The following SYT1 variants were observed in gnomAD, a reference collection of about 807,000 sequenced individuals.
SYT1 encodes synaptotagmin 1, also known as synaptotagmin-1.
SYT1 carries 8 observed loss-of-function variants against 44.8 expected under a neutral mutation model. That is an observed-to-expected ratio of 0.18 (90% confidence interval 0.10 to 0.32). The LOEUF is 0.32. Among genes scored for constraint, SYT1 ranks in the 10% least tolerant of loss-of-function variants. The pLI is 1.00. For synonymous variants in SYT1, 154 were observed against 188.8 expected, an observed-to-expected ratio of 0.82 and a Z score of 1.51; for missense variants, 286 against 509.3, an observed-to-expected ratio of 0.56 and a Z score of 4.22.
chr12:79,134,985 C>CCATACACACACA lies in SYT1; in HGVS notation c.-17-82516_-17-82515insTACACACACACA, dbSNP rs370134370. ...AGAAAGTAGATCTTAAATGTTCTCACCACACACACACACACACACACACAA... is the reference window on the plus strand; with the variant it reads ...AGAAAGTAGATCTTAAATGTTCTCACCATACACACACACACACACACACACACACACACACAA... On this transcript the variant is annotated intron_variant, in intron 3 of 10. Coordinates refer to ENST00000261205, the MANE Select transcript of SYT1 (RefSeq NM_005639.3). 3.3e-3 allele frequency among the ~76,000 whole-genome samples: 481 copies of CCATACACACACA among 147,968 alleles called. 2 individuals carry two copies. The highest frequency in any genetic ancestry group is 0.011 in the African/African-American group (450 of 40,488).
intron 10 of SYT1, among the ~76,000 whole-genome samples, chr12:79,446,016 T>C (rs1189617951): frequency 1.6e-5 from 2 of 127,072 alleles, no homozygotes; most frequent in Middle Eastern, 3.8e-3. Flanking sequence ...TATATATATA[T>C]ATATATATAT....
At position 79,449,273 on chromosome 12, in the gene SYT1, A is replaced by C. The variant is rs756133500; in HGVS notation, c.*149A>C. ...CTTGGAATCCTGTTTTAATTTGCAC[A>C]AATTTAAATGTAGAGAGCCCCTAAG... On this transcript the variant is annotated 3_prime_UTR_variant, in exon 11 of 11. Coordinates refer to ENST00000261205, the MANE Select transcript of SYT1 (RefSeq NM_005639.3). 3.0e-5 allele frequency: 25 copies of C among 843,682 alleles called. No individual in the cohort carries two copies. The highest frequency in any genetic ancestry group is 4.3e-5 in the Non-Finnish European group (24 of 552,384). The allele number at this position is 843,682 out of a possible 1,614,324, so 52.3% of individuals were successfully genotyped here.
intron 3 of SYT1, among the ~76,000 whole-genome samples, chr12:79,151,192 C>A (rs1327064457): frequency 6.6e-6 from 1 of 152,062 alleles, no homozygotes; most frequent in African/African-American, 2.4e-5. Flanking sequence ...TCAGAGGTGT[C>A]AAGGGTTGGC....
chr12:79,157,691 A>T (rs560824186), intron 3 of SYT1, among the ~76,000 whole-genome samples: 29 of 152,292 alleles, frequency 1.9e-4, no homozygotes, highest in Admixed American at 7.8e-4. Context: ...TGCCAGTGAA[A>T]GACTGGCTTT....
intron 3 of SYT1, among the ~76,000 whole-genome samples, chr12:79,081,918 G>T (rs890593827): frequency 6.6e-6 from 1 of 152,018 alleles, no homozygotes; most frequent in Non-Finnish European, 1.5e-5. Flanking sequence ...AGGAGTATTT[G>T]TCACAATAAG....
chr12:79,398,314 A>G (rs182804785), intron 9 of SYT1, among the ~76,000 whole-genome samples: 3 of 152,340 alleles, frequency 2.0e-5, no homozygotes, highest in Admixed American at 2.0e-4. Flanking sequence ...GTTATCTCAT[A>G]TTTAATAATT....
chr12:79,110,693 A>G (rs965032292), intron 3 of SYT1, among the ~76,000 whole-genome samples: 4 of 152,182 alleles, frequency 2.6e-5, no homozygotes, highest in Admixed American at 6.5e-5. Context: ...TTTATAGCTA[A>G]TTGAAGTATA....
chr12:79,085,330 A>C (rs2137971878), intron 3 of SYT1, among the ~76,000 whole-genome samples: 1 of 152,292 alleles, frequency 6.6e-6, no homozygotes, highest in African/African-American at 2.4e-5. Flanking sequence ...AACAGTTTCA[A>C]GTTTTGAAGC....
chr12:78,882,376 C>T (rs1874506560), intron 1 of SYT1, among the ~76,000 whole-genome samples: 1 of 151,680 alleles, frequency 6.6e-6, no homozygotes, highest in Non-Finnish European at 1.5e-5. Context: ...TGGATCCAAT[C>T]TGAATACAAA....
chr12:78,974,929 A>G (rs1868707271), intron 1 of SYT1, among the ~76,000 whole-genome samples: 1 of 152,012 alleles, frequency 6.6e-6, no homozygotes, highest in Admixed American at 6.6e-5. Context: ...ACCCTTCAGC[A>G]CAAACTCACC....
At chr12:79,177,966 T>G (rs548032753) in intron 3 of SYT1, among the ~76,000 whole-genome samples, 200 of 144,494 alleles carry the variant, frequency 1.4e-3, no homozygotes, top group African/African-American at 4.5e-3. Context: ...AGATGAGTAG[T>G]TTGCGAAAAT....
At chr12:79,339,404 A>C in intron 8 of SYT1, among the ~76,000 whole-genome samples, 1 of 152,184 alleles carries the variant, frequency 6.6e-6, no homozygotes, top group Non-Finnish European at 1.5e-5. Context: ...TTTGATTTGC[A>C]TTTCTCTGAT....
intron 3 of SYT1, among the ~76,000 whole-genome samples, chr12:79,189,887 G>T (rs1873011204): frequency 6.6e-6 from 1 of 152,150 alleles, no homozygotes; most frequent in Admixed American, 6.6e-5. Flanking sequence ...CTGGGTGACA[G>T]AACAAGACTG....
At position 79,210,282 on chromosome 12, in the gene SYT1, T is replaced by C. The variant is rs1874362358; in HGVS notation, c.-17-7221T>C. Among the ~76,000 whole-genome samples, 3 of 152,232 alleles carry C rather than the reference T, an allele frequency of 2.0e-5. No individual in the cohort carries two copies. In the South Asian group the frequency reaches 6.2e-4, roughly 32 times the overall value. ...TTTCATTTTTCGTAACTTATTGGTGTACAGGTGGTATTTAGTTACATGAGT... is the reference window on the plus strand; with the variant it reads ...TTTCATTTTTCGTAACTTATTGGTGCACAGGTGGTATTTAGTTACATGAGT... On this transcript the variant is annotated intron_variant, in intron 3 of 10. Transcript: ENST00000261205.
chr12:79,421,920 G>A (rs2136157845), intron 9 of SYT1, among the ~76,000 whole-genome samples: 1 of 151,890 alleles, frequency 6.6e-6, no homozygotes. Context: ...TCCTTGTGTG[G>A]TATTTGTGAA....
At chr12:79,261,272 C>T (rs1877816594) in intron 4 of SYT1, among the ~76,000 whole-genome samples, 2 of 152,226 alleles carry the variant, frequency 1.3e-5, no homozygotes, top group African/African-American at 4.8e-5. Flanking sequence ...GCCACATCTA[C>T]TATTTGTAAA....
At chr12:79,051,642 A>C (rs191827698) in intron 3 of SYT1, among the ~76,000 whole-genome samples, 52 of 152,114 alleles carry the variant, frequency 3.4e-4, no homozygotes, top group African/African-American at 1.2e-3. Context: ...GCAACACTTA[A>C]GCAGTTATCT....
At chr12:78,918,186 A>C (rs1018657302) in intron 1 of SYT1, among the ~76,000 whole-genome samples, 1 of 152,106 alleles carries the variant, frequency 6.6e-6, no homozygotes, top group Admixed American at 6.6e-5. Context: ...GTAAATAAGT[A>C]GATAACTTTT....
intron 3 of SYT1, among the ~76,000 whole-genome samples, chr12:79,168,589 G>C (rs1871342486): frequency 1.3e-5 from 2 of 152,002 alleles, no homozygotes; most frequent in Admixed American, 6.6e-5. Flanking sequence ...ACAAAGGACA[G>C]AGTTTGTTAC....
Sources: gnomAD v4.1 joint callset for allele counts (sites outside exome capture counted in the v4.1 genomes callset) on GRCh38, gnomAD v4.1.1 for gene constraint, MANE v1.5 for transcripts, NCBI Gene and HGNC (gene_info 2026-07-23, HGNC 2026-07-21) for gene names.